The following XRRA1 variants were observed in gnomAD, a reference collection of about 807,000 sequenced individuals.
The protein encoded by XRRA1 is X-ray radiation resistance-associated protein 1.
XRRA1 carries 69 observed loss-of-function variants against 80.2 expected under a neutral mutation model. That is an observed-to-expected ratio of 0.86 (90% CI 0.71 to 1.05). The LOEUF is 1.05. Among genes scored for constraint, XRRA1 ranks in the 50% least tolerant of loss-of-function variants. The pLI, the probability that XRRA1 is intolerant of heterozygous loss-of-function variation, is 0.00. For synonymous variants in XRRA1, 348 were observed against 389.9 expected, an observed-to-expected ratio of 0.89 and a Z score of 1.27; for missense variants, 967 against 976.4, an observed-to-expected ratio of 0.99 and a Z score of 0.13.
intron 12 of XRRA1, among the ~76,000 whole-genome samples, chr11:74,853,467 C>T (rs143192075): frequency 5.3e-4 from 80 of 152,332 alleles, no homozygotes; most frequent in African/African-American, 1.8e-3. Context: ...AGTCTGCACC[C>T]TCCTGTACCT....
Position 74,863,014 on chromosome 11 carries a change from C to T in XRRA1, c.1011G>A (p.Val337=), listed in dbSNP as rs2042626710. 1.2e-6 allele frequency: 2 copies of T among 1,603,068 alleles called. No individual in the cohort carries two copies. Among genetic ancestry groups the T allele is most frequent in the Non-Finnish European group, 8.5e-7 (1 of 1,174,810 alleles). The change falls in exon 11 of 19, where the codon GTG becomes GTA. Residue 337 remains valine (V), a synonymous_variant. Coordinates refer to ENST00000684022, the MANE Select transcript of XRRA1 (RefSeq NM_001378157.1). The part of the protein sequence containing the change: ...MKKDVDRTEV[V]FSSYPGFSTS... The stretch of plus-strand genomic sequence containing the variant: ...TTGAAAATCCAGGGTAAGATGAAAA[C>T]ACAACCTCTGAAACAGAAGAGAAAC...
rs186349570 is a variant in XRRA1, at chr11:74,842,672, A to C, written c.*528T>G. 6.5e-6 allele frequency: 1 copy of C among 153,498 alleles called. No individual in the cohort carries two copies. Among genetic ancestry groups the C allele is most frequent in the Non-Finnish European group, 1.4e-5 (1 of 68,988 alleles). The allele number at this position is 153,498 out of a possible 1,614,324, so 9.5% of individuals were successfully genotyped here. ...CAATTTACTGTCATGTTCACATTCA[A>C]CCATTCATGCTCCTAATGAAGGAAC... On this transcript the variant is annotated 3_prime_UTR_variant, in exon 19 of 19. Coordinates refer to ENST00000684022, the MANE Select transcript of XRRA1 (RefSeq NM_001378157.1).
intron 10 of XRRA1, among the ~76,000 whole-genome samples, chr11:74,903,734 T>C (rs1406775375): frequency 6.6e-6 from 1 of 151,890 alleles, no homozygotes; most frequent in Admixed American, 6.6e-5. Flanking sequence ...AATAACTAGA[T>C]GGACATATGG....
At position 74,933,877 on chromosome 11, in the gene XRRA1, A is replaced by G; in HGVS notation, c.280-5T>C. ...CCTCACACAGTGGTGCTTCAGCTGG[A>G]ACATAATACAAAGAGTTGTCTCTTA... On this transcript the variant is annotated splice_region_variant and splice_polypyrimidine_tract_variant and intron_variant, in intron 4 of 18. Transcript: ENST00000684022. The G allele has an allele frequency of 1.2e-6, 2 of 1,600,278 alleles. No homozygotes were observed. Among genetic ancestry groups the G allele is most frequent in the Non-Finnish European group, 8.5e-7 (1 of 1,173,126 alleles).
At chr11:74,939,029 T>G (rs569953302) in intron 3 of XRRA1, among the ~76,000 whole-genome samples, 1 of 152,344 alleles carries the variant, frequency 6.6e-6, no homozygotes, top group Non-Finnish European at 1.5e-5. Flanking sequence ...CCCTCATTCC[T>G]TCTACATTTT....
chr11:74,942,248 G>A (rs1946474853), intron 2 of XRRA1, among the ~76,000 whole-genome samples: 1 of 152,168 alleles, frequency 6.6e-6, no homozygotes, highest in Non-Finnish European at 1.5e-5. Flanking sequence ...AGGCAGGGAA[G>A]TCAGGCAAGG....
intron 11 of XRRA1, among the ~76,000 whole-genome samples, chr11:74,860,989 G>A (rs993863583): frequency 6.6e-6 from 1 of 152,158 alleles, no homozygotes; most frequent in African/African-American, 2.4e-5. Context: ...CATGACCCCT[G>A]GGGAGGATAA....
At position 74,940,860 on chromosome 11, in the gene XRRA1, A is replaced by C; in HGVS notation, c.19T>G (p.Tyr7Asp). ...TAAGGCTTCCCATCATCCAGCTTGT[A>C]GATTCCTGAGAAGGCCATCTCCCTG... is the stretch of plus-strand genomic sequence containing the variant. The part of the protein sequence containing the change: MAFSGI[Y>D]KLDDGKPYLN... Residue 7 changes from tyrosine (Y) to aspartate (D), a missense_variant, in exon 3 of 19, where the codon TAC becomes GAC. Physicochemically the swap from Tyr to Asp is radical, Grantham distance 160 (BLOSUM62 -3). Coordinates refer to ENST00000684022, the MANE Select transcript of XRRA1 (RefSeq NM_001378157.1). The C allele has an allele frequency of 6.2e-7, 1 of 1,608,570 alleles. No individual in the cohort carries two copies. The highest frequency in any genetic ancestry group is 8.5e-7 in the Non-Finnish European group (1 of 1,177,534).
chr11:74,843,692 C>G, intron 18 of XRRA1, 162 bp downstream of exon 18: 1 of 814,538 alleles, frequency 1.2e-6, no homozygotes. Context: ...TAGGCAACTC[C>G]CTGCCTCACG....
At chr11:74,854,699 T>G (rs2040659884) in intron 12 of XRRA1, among the ~76,000 whole-genome samples, 1 of 152,094 alleles carries the variant, frequency 6.6e-6, no homozygotes, top group South Asian at 2.1e-4. Context: ...TGGCCCATGA[T>G]CCATTTACTA....
chr11:74,926,609 G>A (rs752390338), intron 7 of XRRA1, among the ~76,000 whole-genome samples: 1 of 152,016 alleles, frequency 6.6e-6, no homozygotes, highest in Non-Finnish European at 1.5e-5. Flanking sequence ...TACTACTGCC[G>A]TGACTCTCAG....
intron 16 of XRRA1, among the ~76,000 whole-genome samples, chr11:74,844,810 C>T (rs1481978439): frequency 6.6e-6 from 1 of 152,254 alleles, no homozygotes; most frequent in East Asian, 1.9e-4. Flanking sequence ...TCATCCAGAG[C>T]AGCTAGGCTG....
At chr11:74,913,052 A>G (rs2056252398) in intron 8 of XRRA1, among the ~76,000 whole-genome samples, 1 of 152,224 alleles carries the variant, frequency 6.6e-6, no homozygotes, top group African/African-American at 2.4e-5. Context: ...AAATTTAGCC[A>G]AAGTCTGTTT....
intron 1 of XRRA1, among the ~76,000 whole-genome samples, chr11:74,946,986 C>T (rs1445869093): frequency 1.3e-5 from 2 of 152,112 alleles, no homozygotes; most frequent in African/African-American, 4.8e-5. Context: ...CTCCTGACCT[C>T]GTGATCCGCC....
At chr11:74,844,928 AAGG>A (rs2037638998) in intron 16 of XRRA1, 142 bp downstream of exon 16, 2 of 772,428 alleles carry the variant, frequency 2.6e-6, no homozygotes, top group Non-Finnish European at 4.2e-6. Flanking sequence ...GACACCCTAA[AAGG>A]AGCCCTTTGA....
chr11:74,851,043 G>A lies in XRRA1; in HGVS notation c.1380+45C>T, dbSNP rs77670244. The stretch of plus-strand genomic sequence containing the variant: ...GGTTGGTTTGCATACATTATAATAG[G>A]CTGCACTCTTCCTGGGGGTGGGAGT... On this transcript the variant is annotated intron_variant, in intron 14 of 18. Coordinates refer to ENST00000684022, the MANE Select transcript of XRRA1 (RefSeq NM_001378157.1). 6,579 of 1,506,328 alleles carry A rather than the reference G, an allele frequency of 4.4e-3. 257 individuals carry two copies. The African/African-American group carries it at 0.081, about 19-fold the overall frequency. The allele number at this position is 1,506,328 out of a possible 1,614,324, so 93.3% of individuals were successfully genotyped here.
rs1296658848 is a variant in XRRA1 at position 74,848,124 on chromosome 11, G to A, written c.1719C>T (p.Phe573=). ...DEDSKSTESI[F]LTQVSELPSS... ...AGCTGGATACAGGTACCTGGGTCAG[G>A]AAGATGGACTCTGTGCTCTTGGAGT... The change falls in exon 15 of 19, where the codon TTC becomes TTT. Residue 573 remains phenylalanine, a synonymous_variant. Coordinates refer to ENST00000684022, the MANE Select transcript of XRRA1 (RefSeq NM_001378157.1). The A allele has an allele frequency of 1.2e-6, 2 of 1,608,470 alleles. No individual in the cohort carries two copies. Among genetic ancestry groups the A allele is most frequent in the East Asian group, 4.5e-5 (2 of 44,840 alleles).
intron 10 of XRRA1, among the ~76,000 whole-genome samples, chr11:74,868,549 T>C (rs2044000797): frequency 6.6e-6 from 1 of 152,090 alleles, no homozygotes; most frequent in South Asian, 2.1e-4. Context: ...CACAGAGTGA[T>C]CAGTTGAATA....
At chr11:74,890,548 G>A (rs554053951) in intron 10 of XRRA1, among the ~76,000 whole-genome samples, 67 of 152,154 alleles carry the variant, frequency 4.4e-4, no homozygotes, top group African/African-American at 7.2e-4. Context: ...AAATAACTAA[G>A]ATCAGAGCAG....
Sources: gnomAD v4.1 joint callset for allele counts (sites outside exome capture counted in the v4.1 genomes callset) on GRCh38, gnomAD v4.1.1 for gene constraint, MANE v1.5 for transcripts, NCBI Gene and HGNC (gene_info 2026-07-23, HGNC 2026-07-21) for gene names.